CNTN3: variants seen among roughly 807,000 people sequenced by gnomAD.
The protein encoded by CNTN3 is contactin 3.
A neutral mutation model predicts 119.1 loss-of-function variants in CNTN3; 60 were observed. The observed-to-expected ratio is 0.50, with a 90% CI of 0.41 to 0.62. The LOEUF (loss-of-function observed/expected upper bound fraction) is 0.62. CNTN3 is among the 20% of genes least tolerant of loss of function. The pLI is 0.00. For synonymous variants in CNTN3, 450 were observed against 438.7 expected (o/e 1.03, Z -0.32); for missense variants, 1,101 against 1,242.4 (o/e 0.89, Z 1.71).
intron 1 of CNTN3, among the ~76,000 whole-genome samples, chr3:74,592,528 A>G (rs1205049937): frequency 6.6e-6 from 1 of 151,846 alleles, no homozygotes; most frequent in Non-Finnish European, 1.5e-5. Flanking sequence ...TTACTTAAGA[A>G]GTCAAAAAGA....
chr3:74,351,636 CAGT>C (rs1703818053), intron 11 of CNTN3, among the ~76,000 whole-genome samples: 1 of 152,144 alleles, frequency 6.6e-6, no homozygotes, highest in Non-Finnish European at 1.5e-5. Context: ...TACTGCATGC[CAGT>C]TAGGCATTAA....
chr3:74,480,658 T>C (rs1702747066), intron 4 of CNTN3, among the ~76,000 whole-genome samples: 1 of 151,922 alleles, frequency 6.6e-6, no homozygotes, highest in Non-Finnish European at 1.5e-5. Context: ...AATAAAAAAA[T>C]ATAGATGTTT....
At chr3:74,279,491 T>C (rs939678192) in intron 20 of CNTN3, among the ~76,000 whole-genome samples, 2 of 152,164 alleles carry the variant, frequency 1.3e-5, no homozygotes, top group Non-Finnish European at 2.9e-5. Context: ...GCATTCACAG[T>C]GACCTGGATG....
At chr3:74,453,353 G>A (rs887125110) in intron 4 of CNTN3, among the ~76,000 whole-genome samples, 25 of 151,906 alleles carry the variant, frequency 1.6e-4, no homozygotes, top group African/African-American at 4.8e-4. Flanking sequence ...CTGTGGGATC[G>A]GTGGTGATAT....
At chr3:74,609,324 AAGAG>A (rs1304376978) in intron 1 of CNTN3, among the ~76,000 whole-genome samples, 6 of 152,326 alleles carry the variant, frequency 3.9e-5, no homozygotes, top group African/African-American at 1.4e-4. Flanking sequence ...TGGAACAAGA[AAGAG>A]AGTGAGGAGA....
intron 2 of CNTN3, among the ~76,000 whole-genome samples, chr3:74,504,303 T>G (rs1209997301): frequency 1.3e-5 from 2 of 152,030 alleles, no homozygotes; most frequent in Non-Finnish European, 2.9e-5. Context: ...TAAGAGGACA[T>G]AAATTTAGAA....
chr3:74,494,679 C>A (rs1282199335), intron 3 of CNTN3, among the ~76,000 whole-genome samples: 2 of 152,056 alleles, frequency 1.3e-5, no homozygotes. Flanking sequence ...AAATATAATA[C>A]AATCCCAAAT....
At chr3:74,274,694 C>T (rs1379359500) in intron 20 of CNTN3, among the ~76,000 whole-genome samples, 1 of 151,628 alleles carries the variant, frequency 6.6e-6, no homozygotes, top group Non-Finnish European at 1.5e-5. Flanking sequence ...AGAGCCTACC[C>T]AAATGAGGAG....
intron 4 of CNTN3, among the ~76,000 whole-genome samples, chr3:74,442,184 G>C (rs573076094): frequency 0.044 from 5,950 of 136,572 alleles, 285 homozygotes; most frequent in African/African-American, 0.14. Flanking sequence ...CACAGAGAGA[G>C]AGAGATTATT....
At chr3:74,403,310 GAGA>G (rs1430973042) in intron 5 of CNTN3, among the ~76,000 whole-genome samples, 1 of 152,150 alleles carries the variant, frequency 6.6e-6, no homozygotes, top group Non-Finnish European at 1.5e-5. Flanking sequence ...AGGAGTAAAA[GAGA>G]AGAATAGAGC....
At chr3:74,532,793 C>T (rs1703712240) in intron 1 of CNTN3, among the ~76,000 whole-genome samples, 1 of 151,874 alleles carries the variant, frequency 6.6e-6, no homozygotes, top group South Asian at 2.1e-4. Flanking sequence ...TAACTGAAAC[C>T]ACAGAAAATG....
intron 5 of CNTN3, among the ~76,000 whole-genome samples, chr3:74,407,846 A>C (rs186926766): frequency 6.6e-6 from 1 of 152,350 alleles, no homozygotes; most frequent in East Asian, 1.9e-4. Flanking sequence ...ATCCATTGAA[A>C]GGTATCTCAT....
chr3:74,571,348 T>A (rs1401921388), intron 1 of CNTN3, among the ~76,000 whole-genome samples: 1 of 152,150 alleles, frequency 6.6e-6, no homozygotes, highest in Non-Finnish European at 1.5e-5. Context: ...CCTTCTAACC[T>A]GCAGGATTCT....
intron 13 of CNTN3, among the ~76,000 whole-genome samples, chr3:74,314,649 G>A (rs1352545766): frequency 6.6e-6 from 1 of 152,044 alleles, no homozygotes; most frequent in Non-Finnish European, 1.5e-5. Flanking sequence ...AAATACATAA[G>A]GCAAATACAG....
intron 19 of CNTN3, among the ~76,000 whole-genome samples, chr3:74,294,100 A>G (rs1559685942): frequency 1.3e-5 from 2 of 152,132 alleles, no homozygotes; most frequent in Non-Finnish European, 2.9e-5. Flanking sequence ...TGGCCCTGTG[A>G]TGCAAACCTG....
chr3:74,332,071 A>G (rs1329873162), intron 13 of CNTN3, among the ~76,000 whole-genome samples: 1 of 152,230 alleles, frequency 6.6e-6, no homozygotes, highest in Non-Finnish European at 1.5e-5. Flanking sequence ...TTTTTAAAAC[A>G]TAGTTCTTAC....
At chr3:74,278,922 A>C (rs924580022) in intron 20 of CNTN3, among the ~76,000 whole-genome samples, 3 of 152,104 alleles carry the variant, frequency 2.0e-5, no homozygotes, top group African/African-American at 7.2e-5. Context: ...AAAAACAAAC[A>C]AAAAATCCCA....
Position 74,264,124 on chromosome 3 carries a change from C to A in CNTN3, c.*277G>T. On this transcript the variant is annotated 3_prime_UTR_variant, in exon 23 of 23. Coordinates refer to ENST00000263665, the MANE Select transcript of CNTN3 (RefSeq NM_020872.3). ...ATGTGAGAGTGTGTGAGTCTTTATCCATAGGCAGTGCTTAAACTCATAGTT... is the reference window on the plus strand; with the variant it reads ...ATGTGAGAGTGTGTGAGTCTTTATCAATAGGCAGTGCTTAAACTCATAGTT... 2 of 225,082 alleles carry A rather than the reference C, an allele frequency of 8.9e-6. No homozygotes were observed. The highest frequency in any genetic ancestry group is 1.7e-5 in the Non-Finnish European group (2 of 116,686). 13.9% of individuals were successfully genotyped at this position (225,082 alleles called of 1,614,324 possible).
At chr3:74,604,529 C>T (rs1420076263) in intron 1 of CNTN3, among the ~76,000 whole-genome samples, 2 of 152,046 alleles carry the variant, frequency 1.3e-5, no homozygotes, top group African/African-American at 2.4e-5. Flanking sequence ...CAAAAGAATA[C>T]ATAGAAATAG....
Sources: gnomAD v4.1 joint callset for allele counts (sites outside exome capture counted in the v4.1 genomes callset) on GRCh38, gnomAD v4.1.1 for gene constraint, MANE v1.5 for transcripts, NCBI Gene and HGNC (gene_info 2026-07-23, HGNC 2026-07-21) for gene names.